The following ZBBX variants were observed in gnomAD, a reference collection of about 807,000 sequenced individuals.
The protein encoded by ZBBX is zinc finger B-box domain containing.
In ZBBX, 101 loss-of-function variants were observed where a neutral mutation model predicts 108.5. That is an observed-to-expected ratio of 0.93 (90% confidence interval 0.79 to 1.10). The LOEUF (loss-of-function observed/expected upper bound fraction) is 1.10. Ranked by LOEUF, ZBBX falls within the 50% of genes least tolerant of loss-of-function variation. ZBBX has a pLI of 0.00. For missense variants in ZBBX, 1,009 were observed against 941.4 expected, an observed-to-expected ratio of 1.07 and a Z score of -0.94; for synonymous variants, 356 against 323.4, an observed-to-expected ratio of 1.10 and a Z score of -1.08.
chr3:167,239,238 G>A (rs1337324808), downstream of ZBBX, among the ~76,000 whole-genome samples: 7 of 152,070 alleles, frequency 4.6e-5, no homozygotes, highest in South Asian at 8.3e-4. Flanking sequence ...GATTTCACGA[G>A]TCCCACCCAC....
intron 1 of ZBBX, among the ~76,000 whole-genome samples, chr3:167,387,986 C>T (rs1205547971): frequency 2.6e-5 from 4 of 151,976 alleles, no homozygotes; most frequent in African/African-American, 9.7e-5. Flanking sequence ...GAAGCTGGCA[C>T]CTTGAACACA....
chr3:167,215,593 A>C, the ZBBX span, among the ~76,000 whole-genome samples: 4 of 152,144 alleles, frequency 2.6e-5, no homozygotes, highest in Admixed American at 6.6e-5. Flanking sequence ...TATTCCAATA[A>C]ATTGAATAGG....
chr3:167,372,753 G>T, intron 4 of ZBBX, 81 bp downstream of exon 4: 1 of 660,778 alleles, frequency 1.5e-6, no homozygotes. Context: ...ATGAAGATAA[G>T]AATTCACAAA....
intron 17 of ZBBX, among the ~76,000 whole-genome samples, chr3:167,302,830 T>C (rs1019588617): frequency 6.6e-6 from 1 of 152,202 alleles, no homozygotes; most frequent in African/African-American, 2.4e-5. Context: ...CATCTGCACA[T>C]ACCCTGAGCT....
chr3:167,371,113 T>C (rs1746096022), intron 4 of ZBBX, among the ~76,000 whole-genome samples: 1 of 152,088 alleles, frequency 6.6e-6, no homozygotes, highest in African/African-American at 2.4e-5. Flanking sequence ...TGTGAGTGGG[T>C]ATTCCTGTCC....
chr3:167,279,219 T>G (rs1291895261), intron 20 of ZBBX, among the ~76,000 whole-genome samples: 1 of 152,206 alleles, frequency 6.6e-6, no homozygotes, highest in Non-Finnish European at 1.5e-5. Context: ...CCACTCCTGT[T>G]CAACATAGTG....
chr3:167,282,174 G>T, intron 20 of ZBBX, 64 bp downstream of exon 20: 1 of 1,488,982 alleles, frequency 6.7e-7, no homozygotes, highest in Non-Finnish European at 9.0e-7. Context: ...CGCAAGATAT[G>T]AAGAATCCGG....
At chr3:167,201,328 A>G in the ZBBX span, among the ~76,000 whole-genome samples, 225 of 152,232 alleles carry the variant, frequency 1.5e-3, no homozygotes, top group African/African-American at 5.1e-3. Flanking sequence ...TTTTAAATCT[A>G]TTCAGTGATC....
intron 1 of ZBBX, among the ~76,000 whole-genome samples, chr3:167,391,508 C>A (rs1748084111): frequency 6.6e-6 from 1 of 151,872 alleles, no homozygotes; most frequent in South Asian, 2.1e-4. Context: ...ATAAAATGAG[C>A]TAGGGATTAG....
At chr3:167,338,757 C>A (rs939015887) in intron 9 of ZBBX, among the ~76,000 whole-genome samples, 2 of 151,970 alleles carry the variant, frequency 1.3e-5, no homozygotes, top group Non-Finnish European at 2.9e-5. Context: ...GTTTGTTAGA[C>A]AAAGTGATAT....
intron 1 of ZBBX, among the ~76,000 whole-genome samples, chr3:167,402,389 C>T (rs1748453143): frequency 6.6e-6 from 1 of 152,138 alleles, no homozygotes; most frequent in Non-Finnish European, 1.5e-5. Context: ...TCATCTCAGT[C>T]CCAGATAAAT....
the ZBBX span, among the ~76,000 whole-genome samples, chr3:167,178,543 G>A: frequency 1.3e-5 from 2 of 152,126 alleles, no homozygotes; most frequent in Non-Finnish European, 2.9e-5. Context: ...TCTTGACATG[G>A]CTGCAACTGG....
At chr3:167,302,085 A>T (rs1732794322) in intron 17 of ZBBX, among the ~76,000 whole-genome samples, 1 of 151,192 alleles carries the variant, frequency 6.6e-6, no homozygotes, top group African/African-American at 2.4e-5. Flanking sequence ...TTTCTTTAGC[A>T]TTTGTTGAAA....
chr3:167,245,350 C>T (rs1174868872), intron 20 of ZBBX, among the ~76,000 whole-genome samples: 1 of 151,386 alleles, frequency 6.6e-6, no homozygotes, highest in Non-Finnish European at 1.5e-5. Context: ...GCGACAAAGC[C>T]CTATTTCTAA....
chr3:167,328,713 G>A (rs1737854530), intron 10 of ZBBX, among the ~76,000 whole-genome samples: 1 of 152,036 alleles, frequency 6.6e-6, no homozygotes, highest in Non-Finnish European at 1.5e-5. Context: ...CCTCTTCAGG[G>A]CCTTGTATTA....
chr3:167,407,389 C>T (rs1384482401), intron 1 of ZBBX, among the ~76,000 whole-genome samples: 1 of 152,204 alleles, frequency 6.6e-6, no homozygotes, highest in South Asian at 2.1e-4. Flanking sequence ...AGGTACAATA[C>T]TGTTTGCAAA....
At chr3:167,304,330 A>T (rs1733234266) in intron 17 of ZBBX, among the ~76,000 whole-genome samples, 1 of 152,148 alleles carries the variant, frequency 6.6e-6, no homozygotes, top group Non-Finnish European at 1.5e-5. Context: ...CACTGTTTAT[A>T]TAGATGTCAC....
At chr3:167,250,625 T>C (rs1459404774) in intron 20 of ZBBX, among the ~76,000 whole-genome samples, 1 of 151,888 alleles carries the variant, frequency 6.6e-6, no homozygotes, top group Admixed American at 6.6e-5. Flanking sequence ...CTAGGAACCC[T>C]TAGACCGCTA....
chr3:167,310,163 G>A (rs1048282356), intron 16 of ZBBX, among the ~76,000 whole-genome samples: 10 of 152,252 alleles, frequency 6.6e-5, no homozygotes, highest in African/African-American at 1.4e-4. Context: ...AAAAGTGACC[G>A]TTACTTCAGT....
Sources: allele counts gnomAD v4.1 joint callset (sites outside exome capture counted in the v4.1 genomes callset), GRCh38; gene constraint gnomAD v4.1.1; transcripts MANE v1.5; gene names NCBI Gene and HGNC (gene_info 2026-07-23, HGNC 2026-07-21).